Variants in DOCK3 observed in about 807,000 individuals in gnomAD.
DOCK3 encodes dedicator of cytokinesis 3, also known as dedicator of cytokinesis protein 3.
DOCK3 carries 60 observed loss-of-function variants against 265.6 expected under a neutral mutation model. That is an observed-to-expected ratio of 0.23 (90% confidence interval 0.18 to 0.28). DOCK3 has a LOEUF of 0.28. DOCK3 is among the 10% of genes least tolerant of loss of function. The pLI is 1.00. For synonymous variants in DOCK3, 881 were observed against 938.0 expected, an observed-to-expected ratio of 0.94 and a Z score of 1.11; for missense variants, 1,981 against 2,594.3, an observed-to-expected ratio of 0.76 and a Z score of 5.14.
chr3:51,047,443 A>G (rs2080821519), intron 5 of DOCK3, among the ~76,000 whole-genome samples: 1 of 137,892 alleles, frequency 7.3e-6, no homozygotes, highest in Non-Finnish European at 1.5e-5. Flanking sequence ...TAGAGCAGAG[A>G]TAGAGAATGG....
intron 2 of DOCK3, chr3:50,787,272 A>G (rs1213146175): frequency 2.1e-6 from 1 of 479,874 alleles, no homozygotes; most frequent in East Asian, 4.5e-5. Flanking sequence ...CCTGGGGCAC[A>G]CGCCTGTAAT....
intron 9 of DOCK3, among the ~76,000 whole-genome samples, chr3:51,109,431 C>CT (rs2083424190): frequency 6.6e-6 from 1 of 151,828 alleles, no homozygotes; most frequent in Non-Finnish European, 1.5e-5. Flanking sequence ...AGAAAGATCT[C>CT]TAACAACCTA....
At chr3:51,062,987 ACTTTT>A (rs1371390590) in intron 5 of DOCK3, among the ~76,000 whole-genome samples, 29 of 152,152 alleles carry the variant, frequency 1.9e-4, no homozygotes, top group African/African-American at 6.3e-4. Flanking sequence ...AGGATGCTTA[ACTTTT>A]CTTCATCAGT....
intron 9 of DOCK3, among the ~76,000 whole-genome samples, chr3:51,102,368 G>A (rs2083120999): frequency 6.6e-6 from 1 of 152,186 alleles, no homozygotes; most frequent in Non-Finnish European, 1.5e-5. Context: ...AAGAACACAA[G>A]GTACTGGATT....
intron 1 of DOCK3, among the ~76,000 whole-genome samples, chr3:50,720,281 C>T (rs2037393278): frequency 6.6e-6 from 1 of 152,044 alleles, no homozygotes; most frequent in Non-Finnish European, 1.5e-5. Flanking sequence ...CTATTTTCAC[C>T]CTCCTCCCAC....
intron 5 of DOCK3, among the ~76,000 whole-genome samples, chr3:50,940,697 G>GT (rs1354916103): frequency 6.6e-6 from 1 of 152,166 alleles, no homozygotes; most frequent in African/African-American, 2.4e-5. Flanking sequence ...TTACTGTACA[G>GT]TAATCAAGGC....
At chr3:51,047,543 C>T (rs975865562) in intron 5 of DOCK3, among the ~76,000 whole-genome samples, 41 of 151,838 alleles carry the variant, frequency 2.7e-4, no homozygotes, top group African/African-American at 9.4e-4. Context: ...AGAGAAGACT[C>T]ATAAATAAAT....
intron 7 of DOCK3, among the ~76,000 whole-genome samples, chr3:51,085,753 T>A (rs2082395578): frequency 6.6e-6 from 1 of 151,862 alleles, no homozygotes; most frequent in African/African-American, 2.4e-5. Context: ...ATGGTGTGCC[T>A]TAAGGACCCC....
chr3:51,379,620 T>G (rs1553617889), intron 51 of DOCK3: 1 of 985,346 alleles, frequency 1.0e-6, no homozygotes, highest in Non-Finnish European at 1.2e-6. Context: ...TCTCAGACTC[T>G]GCTCAAGGGC....
At chr3:51,335,949 G>A (rs1462762937) in intron 35 of DOCK3, among the ~76,000 whole-genome samples, 4 of 148,352 alleles carry the variant, frequency 2.7e-5, no homozygotes, top group South Asian at 2.1e-4. Context: ...CTGAGATTGC[G>A]CCACTGAACT....
At chr3:50,716,010 C>T (rs1005605395) in intron 1 of DOCK3, among the ~76,000 whole-genome samples, 28 of 151,762 alleles carry the variant, frequency 1.8e-4, no homozygotes, top group African/African-American at 6.5e-4. Context: ...ATAATTATAT[C>T]CTAAGCAAGA....
chr3:51,262,495 C>T (rs2079912049), intron 23 of DOCK3, among the ~76,000 whole-genome samples: 1 of 152,058 alleles, frequency 6.6e-6, no homozygotes, highest in South Asian at 2.1e-4. Context: ...TTCCAAAAAA[C>T]CAGAACGCCT....
intron 5 of DOCK3, among the ~76,000 whole-genome samples, chr3:50,970,889 T>TTA (rs1366818800): frequency 2.3e-5 from 1 of 42,932 alleles, no homozygotes; most frequent in Non-Finnish European, 4.1e-5. Flanking sequence ...CTCATCTAAT[T>TTA]TTTATATATA....
chr3:51,237,400 A>G (rs2078393691), intron 20 of DOCK3, 90 bp from the exon 21 acceptor site: 3 of 1,077,340 alleles, frequency 2.8e-6, no homozygotes, highest in Admixed American at 2.4e-5. Flanking sequence ...ACAATTTGCC[A>G]TTATTTGGAG....
chr3:51,235,805 C>G (rs2078327874), intron 19 of DOCK3, among the ~76,000 whole-genome samples: 1 of 152,196 alleles, frequency 6.6e-6, no homozygotes, highest in African/African-American at 2.4e-5. Flanking sequence ...CCCCCATTGA[C>G]AGCCCTCATT....
intron 13 of DOCK3, among the ~76,000 whole-genome samples, chr3:51,212,038 C>T (rs1178543425): frequency 6.6e-6 from 1 of 152,132 alleles, no homozygotes; most frequent in Non-Finnish European, 1.5e-5. Context: ...CATGCCTTAG[C>T]ATTATTTGGT....
At chr3:50,827,827 T>C (rs1203669894) in intron 2 of DOCK3, among the ~76,000 whole-genome samples, 1 of 152,182 alleles carries the variant, frequency 6.6e-6, no homozygotes, top group Non-Finnish European at 1.5e-5. Flanking sequence ...ACTTATCCTT[T>C]CTTATTTTCC....
chr3:50,780,774 T>C (rs748234683), intron 2 of DOCK3, among the ~76,000 whole-genome samples: 9 of 152,146 alleles, frequency 5.9e-5, no homozygotes, highest in Non-Finnish European at 1.3e-4. Flanking sequence ...ACATTAGAAC[T>C]GATTCTTTTT....
At position 51,341,106 on chromosome 3, in the gene DOCK3, C is replaced by T. The variant is rs975099894; in HGVS notation, c.3767-131C>T. 5.8e-5 allele frequency: 65 copies of T among 1,120,948 alleles called. No individual in the cohort carries two copies. The Middle Eastern group carries it at 9.2e-4, about 16-fold the overall frequency. The allele number at this position is 1,120,948 out of a possible 1,614,324, so 69.4% of individuals were successfully genotyped here. ...AGCCCTACTGTTTCATCTTTAGTATCCAGTGTCCCCGACCTGGGCTGCACA... is the reference window on the plus strand; with the variant it reads ...AGCCCTACTGTTTCATCTTTAGTATTCAGTGTCCCCGACCTGGGCTGCACA... On this transcript the variant is annotated intron_variant, in intron 37 of 52. Coordinates refer to ENST00000266037, the MANE Select transcript of DOCK3 (RefSeq NM_004947.5).
Sources: allele counts gnomAD v4.1 joint callset (sites outside exome capture counted in the v4.1 genomes callset), GRCh38; gene constraint gnomAD v4.1.1; transcripts MANE v1.5; gene names NCBI Gene and HGNC (gene_info 2026-07-23, HGNC 2026-07-21).